The following SYNE1 variants were observed in gnomAD, a reference collection of about 807,000 sequenced individuals.
The protein encoded by SYNE1 is spectrin repeat containing nuclear envelope protein 1.
Under a neutral mutation model 1,111.0 loss-of-function variants are expected in SYNE1, and 616 were observed. The observed-to-expected ratio is 0.55, with a 90% CI of 0.52 to 0.59. The LOEUF (loss-of-function observed/expected upper bound fraction) is 0.59, where lower values mean the gene tolerates loss of function less well. SYNE1 is among the 20% of genes least tolerant of loss of function. The pLI, the probability that SYNE1 is intolerant of heterozygous loss-of-function variation, is 0.00. For missense variants in SYNE1, 10,006 were observed against 10,417.0 expected (o/e 0.96, Z 1.72); for synonymous variants, 3,855 against 3,825.8 (o/e 1.01, Z -0.28).
chr6:152,448,775 G>A (rs1276646029), intron 28 of SYNE1, among the ~76,000 whole-genome samples: 1 of 152,118 alleles, frequency 6.6e-6, no homozygotes, highest in Non-Finnish European at 1.5e-5. Context: ...CCAGGAGGTC[G>A]AGGCTGAAGT....
At chr6:152,339,479 G>A (rs2096484654) in intron 74 of SYNE1, 113 bp from the exon 75 acceptor site, 2 of 1,446,916 alleles carry the variant, frequency 1.4e-6, no homozygotes, top group Admixed American at 3.7e-5. Context: ...GCTATGCTCA[G>A]TGTTTTCACC....
At chr6:152,308,396 G>A in intron 91 of SYNE1, 93 bp downstream of exon 91, 1 of 1,572,518 alleles carries the variant, frequency 6.4e-7, no homozygotes, top group Admixed American at 1.7e-5. Flanking sequence ...TGCAGGACAG[G>A]GGAAACTGTT....
At chr6:152,221,732 T>C (rs1005809182) in intron 117 of SYNE1, among the ~76,000 whole-genome samples, 173 bp from the exon 118 acceptor site, 3 of 152,252 alleles carry the variant, frequency 2.0e-5, no homozygotes, top group Non-Finnish European at 4.4e-5. Context: ...TATTCTCTTT[T>C]GTAGGATTTT....
At chr6:152,267,083 T>G (rs553718916) in intron 100 of SYNE1, among the ~76,000 whole-genome samples, 1 of 152,304 alleles carries the variant, frequency 6.6e-6, no homozygotes, top group South Asian at 2.1e-4. Context: ...GTATAAAATT[T>G]TCTTCAACTT....
At chr6:152,379,965 C>T (rs2097372611) in intron 56 of SYNE1, among the ~76,000 whole-genome samples, 1 of 152,100 alleles carries the variant, frequency 6.6e-6, no homozygotes, top group Non-Finnish European at 1.5e-5. Flanking sequence ...TCATATTATA[C>T]CATGTAGAGC....
intron 4 of SYNE1, among the ~76,000 whole-genome samples, chr6:152,538,982 T>C (rs1248650319): frequency 6.6e-6 from 1 of 152,182 alleles, no homozygotes. Flanking sequence ...GCAGTGAATC[T>C]GTAGAATGGG....
rs778123025 is a variant in SYNE1 at position 152,373,061 on chromosome 6, G to A, written c.9483C>T (p.Leu3161=). ...KEDWKNFHSN[L]HQKESALENL... The stretch of plus-strand genomic sequence containing the variant: ...CCTCTAGAGCAGATTCTTTTTGGTG[G>A]AGATTTGAATGAAAATTTTTCCAAT... The change falls in exon 59 of 146, where the codon CTC becomes CTT. Residue 3161 remains leucine (L), a synonymous_variant. Transcript: ENST00000367255. 10 of 1,614,086 alleles carry A rather than the reference G, an allele frequency of 6.2e-6. No homozygotes were observed. The highest frequency in any genetic ancestry group is 8.5e-6 in the Non-Finnish European group (10 of 1,180,008).
intron 2 of SYNE1, among the ~76,000 whole-genome samples, chr6:152,635,452 T>C (rs370677203): frequency 1.3e-5 from 2 of 152,200 alleles, no homozygotes; most frequent in East Asian, 1.9e-4. Flanking sequence ...TGTCACACTG[T>C]TCCGGTGATA....
chr6:152,499,967 CTA>C (rs1236299874), intron 10 of SYNE1, among the ~76,000 whole-genome samples: 3 of 152,112 alleles, frequency 2.0e-5, no homozygotes, highest in Non-Finnish European at 2.9e-5. Flanking sequence ...TTTCGAATCT[CTA>C]AGGATTTTTG....
intron 145 of SYNE1, among the ~76,000 whole-genome samples, chr6:152,123,017 A>G (rs2051921732): frequency 6.6e-6 from 1 of 152,256 alleles, no homozygotes; most frequent in Non-Finnish European, 1.5e-5. Flanking sequence ...GTAGATCCAG[A>G]ATAATTAAAA....
chr6:152,384,879 CAA>C (rs200695551), intron 55 of SYNE1, among the ~76,000 whole-genome samples: 14 of 123,392 alleles, frequency 1.1e-4, no homozygotes, highest in East Asian at 4.4e-4. Context: ...GACTCCATTT[CAA>C]AAAAAAAAAA....
chr6:152,441,039 TAAC>T, intron 32 of SYNE1, 88 bp downstream of exon 32: 2 of 1,476,464 alleles, frequency 1.4e-6, no homozygotes, highest in Non-Finnish European at 1.9e-6. Flanking sequence ...AAATTAACAA[TAAC>T]AATTAATAGT....
chr6:152,213,123 A>G (rs1231947672), intron 123 of SYNE1, among the ~76,000 whole-genome samples: 5 of 152,176 alleles, frequency 3.3e-5, no homozygotes, highest in African/African-American at 1.2e-4. Flanking sequence ...AATAATTATA[A>G]TGCAATTTAA....
chr6:152,424,521 C>A (rs573603195), intron 39 of SYNE1, among the ~76,000 whole-genome samples: 2 of 152,136 alleles, frequency 1.3e-5, no homozygotes, highest in African/African-American at 4.8e-5. Context: ...TATAATACTT[C>A]GTGTTCACCC....
At chr6:152,559,687 A>G (rs965066402) in intron 3 of SYNE1, among the ~76,000 whole-genome samples, 8 of 152,178 alleles carry the variant, frequency 5.3e-5, no homozygotes, top group Non-Finnish European at 7.3e-5. Context: ...AAAAAAAGAA[A>G]GATTTTAAGC....
At chr6:152,530,128 T>C (rs1358688213) in intron 4 of SYNE1, among the ~76,000 whole-genome samples, 2 of 152,206 alleles carry the variant, frequency 1.3e-5, no homozygotes, top group Non-Finnish European at 2.9e-5. Context: ...CCAAGGTCTA[T>C]TCTTAAAGAC....
At chr6:152,463,680 A>G (rs1458001575) in intron 18 of SYNE1, among the ~76,000 whole-genome samples, 163 bp from the exon 19 acceptor site, 3 of 152,200 alleles carry the variant, frequency 2.0e-5, no homozygotes, top group African/African-American at 7.2e-5. Flanking sequence ...AAAAAGTTTC[A>G]AAATGTGAGC....
chr6:152,546,061 G>T (rs1045819331), intron 3 of SYNE1: 1 of 152,120 alleles, frequency 6.6e-6, no homozygotes, highest in Non-Finnish European at 1.5e-5. Context: ...CAGTGACAAG[G>T]TAATGATTAT....
chr6:152,207,030 T>C (rs891996966), intron 125 of SYNE1, among the ~76,000 whole-genome samples: 16 of 152,110 alleles, frequency 1.1e-4, no homozygotes, highest in Non-Finnish European at 1.9e-4. Context: ...GGAAGAAGGA[T>C]GTGTGTTGGA....
Sources: gnomAD v4.1 joint callset for allele counts (sites outside exome capture counted in the v4.1 genomes callset) on GRCh38, gnomAD v4.1.1 for gene constraint, MANE v1.5 for transcripts, NCBI Gene and HGNC (gene_info 2026-07-23, HGNC 2026-07-21) for gene names.